Variants in KCNMA1 observed in about 807,000 individuals in gnomAD.
KCNMA1 encodes potassium calcium-activated channel subfamily M alpha 1.
Under a neutral mutation model 140.0 loss-of-function variants are expected in KCNMA1, and 29 were observed. That is an observed-to-expected ratio of 0.21 (90% CI 0.15 to 0.28). The LOEUF is 0.28. KCNMA1 is among the 10% of genes least tolerant of loss of function. KCNMA1 has a pLI of 1.00. For synonymous variants in KCNMA1, 612 were observed against 611.9 expected (o/e 1.00, Z 0.00); for missense variants, 880 against 1,602.2 (o/e 0.55, Z 7.70).
rs73287973 is a variant in KCNMA1, at chr10:77,438,248, T to C, written c.379-34225A>G. ...GAAAACTAGACTTTCATGTGGGCTC[T>C]AATTTTTCTGTTGGCATCCAGTTTC... On this transcript the variant is annotated intron_variant, in intron 1 of 27. Transcript: ENST00000286628. 8.0e-3 allele frequency among the ~76,000 whole-genome samples: 1,215 copies of C among 152,182 alleles called. 10 individuals carry two copies. Among genetic ancestry groups the C allele is most frequent in the African/African-American group, 0.027 (1,141 of 41,512 alleles).
At chr10:77,429,819 T>C (rs1395439630) in intron 1 of KCNMA1, among the ~76,000 whole-genome samples, 1 of 152,152 alleles carries the variant, frequency 6.6e-6, no homozygotes, top group Non-Finnish European at 1.5e-5. Flanking sequence ...TGTATATATA[T>C]GATATATCAG....
intron 15 of KCNMA1, chr10:77,039,167 G>A (rs1193948961): frequency 6.1e-6 from 2 of 327,452 alleles, no homozygotes; most frequent in East Asian, 6.7e-5. Context: ...TCATTGAGGG[G>A]CTGGCAAGAT....
chr10:77,168,743 T>C (rs2098670651), intron 5 of KCNMA1, among the ~76,000 whole-genome samples: 1 of 152,232 alleles, frequency 6.6e-6, no homozygotes, highest in African/African-American at 2.4e-5. Flanking sequence ...GAAAAATTCA[T>C]GTTCAGGTCA....
chr10:76,986,839 C>G (rs2081389444), intron 19 of KCNMA1, among the ~76,000 whole-genome samples: 1 of 152,170 alleles, frequency 6.6e-6, no homozygotes, highest in African/African-American at 2.4e-5. Context: ...GAGAAAACAT[C>G]AGCACCCCCA....
At chr10:76,945,069 T>A (rs2063553171) in intron 22 of KCNMA1, 104 bp from the exon 23 acceptor site, 2 of 962,684 alleles carry the variant, frequency 2.1e-6, no homozygotes, top group Non-Finnish European at 3.3e-6. Context: ...GGAAAACAAA[T>A]TAAAGATTGA....
chr10:77,020,320 A>G (rs1457572728), intron 16 of KCNMA1: 1 of 152,216 alleles, frequency 6.6e-6, no homozygotes, highest in African/African-American at 2.4e-5. Flanking sequence ...GGAAGGACCC[A>G]GGTGAACCTT....
chr10:77,411,040 T>C (rs1263431172), intron 1 of KCNMA1, among the ~76,000 whole-genome samples: 2 of 152,226 alleles, frequency 1.3e-5, no homozygotes, highest in Non-Finnish European at 2.9e-5. Context: ...TCTTTCTCTG[T>C]CACCCAGGCT....
intron 23 of KCNMA1, among the ~76,000 whole-genome samples, chr10:76,935,933 T>G (rs543872616): frequency 6.6e-6 from 1 of 152,360 alleles, no homozygotes; most frequent in African/African-American, 2.4e-5. Context: ...AAACCCTCCA[T>G]GAGTTCAAAA....
At chr10:77,619,787 GACAA>G (rs1237726571) in intron 1 of KCNMA1, among the ~76,000 whole-genome samples, 2 of 152,178 alleles carry the variant, frequency 1.3e-5, no homozygotes, top group East Asian at 3.9e-4. Flanking sequence ...AGGATGGAAG[GACAA>G]ACAGAGAGGA....
At chr10:76,960,627 T>TG (rs1263607175) in intron 20 of KCNMA1, among the ~76,000 whole-genome samples, 3 of 147,118 alleles carry the variant, frequency 2.0e-5, no homozygotes, top group African/African-American at 5.0e-5. Context: ...TGTTTTTTTT[T>TG]TTTTTTTTTT....
At chr10:77,087,630 G>C (rs138386691) in intron 10 of KCNMA1, among the ~76,000 whole-genome samples, 14 of 152,218 alleles carry the variant, frequency 9.2e-5, no homozygotes, top group African/African-American at 3.4e-4. Context: ...ACATGTATGC[G>C]ACTCATCACA....
chr10:77,320,980 A>G (rs1469144905), intron 2 of KCNMA1, among the ~76,000 whole-genome samples: 2 of 152,208 alleles, frequency 1.3e-5, no homozygotes, highest in Non-Finnish European at 2.9e-5. Flanking sequence ...TCAGTGGTTC[A>G]TCTCCCTCAT....
intron 2 of KCNMA1, among the ~76,000 whole-genome samples, chr10:77,337,100 C>T (rs888220119): frequency 5.9e-5 from 9 of 152,176 alleles, no homozygotes; most frequent in East Asian, 1.9e-4. Flanking sequence ...TCATCTGTCA[C>T]GTCATTAGAT....
rs562585017 is a variant in KCNMA1 at position 77,537,977 on chromosome 10, G to A, written c.378+99288C>T. Reference sequence around the variant, plus strand: ...CTTTGGGGAGGCACTGTATACACACGCACATACACACACACTCACATACTC... The same window carrying A: ...CTTTGGGGAGGCACTGTATACACACACACATACACACACACTCACATACTC... On this transcript the variant is annotated intron_variant, in intron 1 of 27. Coordinates refer to ENST00000286628, the MANE Select transcript of KCNMA1 (RefSeq NM_001161352.2). 3.3e-5 allele frequency among the ~76,000 whole-genome samples: 5 copies of A among 151,530 alleles called. No homozygotes were observed. The East Asian group carries it at 5.8e-4, about 18-fold the overall frequency.
At chr10:77,312,521 G>T (rs891789932) in intron 2 of KCNMA1, among the ~76,000 whole-genome samples, 1 of 152,196 alleles carries the variant, frequency 6.6e-6, no homozygotes, top group Non-Finnish European at 1.5e-5. Flanking sequence ...AGCTACTTGG[G>T]AGGCTGAGAG....
At position 77,419,520 on chromosome 10, in the gene KCNMA1, T is replaced by C. The variant is rs551862796; in HGVS notation, c.379-15497A>G. 3.8e-4 allele frequency among the ~76,000 whole-genome samples: 58 copies of C among 152,226 alleles called. 1 individual carries two copies. In the South Asian group the frequency reaches 0.012, roughly 31 times the overall value. On this transcript the variant is annotated intron_variant, in intron 1 of 27. Transcript: ENST00000286628. ...GAGTTGTTACTCAGATTTCTTGAAC[T>C]TGAGACGTCAAAGGTGAGACGCCAG... is the stretch of plus-strand genomic sequence containing the variant.
At chr10:77,469,928 A>G (rs1303467140) in intron 1 of KCNMA1, among the ~76,000 whole-genome samples, 2 of 152,234 alleles carry the variant, frequency 1.3e-5, no homozygotes, top group African/African-American at 4.8e-5. Context: ...AACTGCAGCA[A>G]GGAACAGGCT....
intron 5 of KCNMA1, among the ~76,000 whole-genome samples, chr10:77,159,296 T>C (rs1362712623): frequency 6.6e-6 from 1 of 152,212 alleles, no homozygotes; most frequent in Non-Finnish European, 1.5e-5. Context: ...CCAAGTAACA[T>C]CATCCGCTCC....
At chr10:77,327,013 G>A (rs2084465037) in intron 2 of KCNMA1, among the ~76,000 whole-genome samples, 1 of 151,986 alleles carries the variant, frequency 6.6e-6, no homozygotes, top group Non-Finnish European at 1.5e-5. Context: ...AAGAAATTGG[G>A]ACTTATGTCA....
Sources: gnomAD v4.1 joint callset for allele counts (sites outside exome capture counted in the v4.1 genomes callset) on GRCh38, gnomAD v4.1.1 for gene constraint, MANE v1.5 for transcripts, NCBI Gene and HGNC (gene_info 2026-07-23, HGNC 2026-07-21) for gene names.